Variants in STX8 observed in about 807,000 individuals in gnomAD.
STX8 encodes syntaxin 8, also known as syntaxin-8.
Under a neutral mutation model 37.5 loss-of-function variants are expected in STX8, and 23 were observed. The observed-to-expected ratio is 0.61, with a 90% CI of 0.44 to 0.87. STX8 has a LOEUF of 0.87. STX8 is among the 40% of genes least tolerant of loss of function. The probability of loss-of-function intolerance (pLI) is 0.00; values close to 1 mark genes in which losing one functional copy is unlikely to be tolerated. For missense variants in STX8, 313 were observed against 284.7 expected, an observed-to-expected ratio of 1.10 and a Z score of -0.71; for synonymous variants, 115 against 99.1, an observed-to-expected ratio of 1.16 and a Z score of -0.95.
intron 6 of STX8, among the ~76,000 whole-genome samples, chr17:9,460,673 C>CA (rs751553222): frequency 0.033 from 3,175 of 96,408 alleles, 128 homozygotes; most frequent in African/African-American, 0.057. Flanking sequence ...GACTCTGTCT[C>CA]AAAAAAAAAA....
chr17:9,369,284 C>T (rs147357466), intron 7 of STX8, among the ~76,000 whole-genome samples: 1 of 152,128 alleles, frequency 6.6e-6, no homozygotes, highest in Non-Finnish European at 1.5e-5. Context: ...ACAGCGGGTA[C>T]AGAGACAGAC....
At position 9,299,615 on chromosome 17, in the gene STX8, T is replaced by C. The variant is rs188903603; in HGVS notation, c.644-48970A>G. Among the ~76,000 whole-genome samples, 638 of 152,156 alleles carry C rather than the reference T, an allele frequency of 4.2e-3. 5 individuals carry two copies. Among genetic ancestry groups the C allele is most frequent in the African/African-American group, 0.014 (600 of 41,498 alleles). ...CCCGCCACCACACCCGGCTAATTTTTTGTATTTTTAGTAGAGACAGGGTTT... is the reference window on the plus strand; with the variant it reads ...CCCGCCACCACACCCGGCTAATTTTCTGTATTTTTAGTAGAGACAGGGTTT... On this transcript the variant is annotated intron_variant, in intron 7 of 7. Coordinates refer to ENST00000306357, the MANE Select transcript of STX8 (RefSeq NM_004853.3).
chr17:9,483,029 T>G (rs1028858970), intron 6 of STX8, among the ~76,000 whole-genome samples: 7 of 152,070 alleles, frequency 4.6e-5, no homozygotes, highest in African/African-American at 1.7e-4. Flanking sequence ...TCAATGACAA[T>G]TCACAAAAAG....
intron 7 of STX8, among the ~76,000 whole-genome samples, chr17:9,339,979 T>C (rs1910286552): frequency 6.6e-6 from 1 of 152,266 alleles, no homozygotes; most frequent in African/African-American, 2.4e-5. Flanking sequence ...TCTCTCCTGC[T>C]GGACTTTAAG....
At chr17:9,407,055 C>A (rs948862428) in intron 6 of STX8, among the ~76,000 whole-genome samples, 1 of 151,934 alleles carries the variant, frequency 6.6e-6, no homozygotes, top group Non-Finnish European at 1.5e-5. Flanking sequence ...AAATTAAGTC[C>A]AAAGAAGAAT....
At chr17:9,316,603 C>T (rs532538974) in intron 7 of STX8, among the ~76,000 whole-genome samples, 122 of 152,292 alleles carry the variant, frequency 8.0e-4, no homozygotes, top group Non-Finnish European at 1.6e-3. Flanking sequence ...TGTGCCCCTA[C>T]CCATACCTTA....
chr17:9,546,590 G>GTTTTTTTTTTTTTTTTTTTTTTTTTT lies in STX8; in HGVS notation c.213-1309_213-1308insAAAAAAAAAAAAAAAAAAAAAAAAAA, dbSNP rs745424722. ...CTTTCTTGATGCAAACTACAAAAGT[G>GTTTTTTTTTTTTTTTTTTTTTTTTTT]GTTTTTTTTTTTTTTTTTTTTTTTT... On this transcript the variant is annotated intron_variant, in intron 3 of 7. Coordinates refer to ENST00000306357, the MANE Select transcript of STX8 (RefSeq NM_004853.3). Among the ~76,000 whole-genome samples, 58 of 62,232 alleles carry GTTTTTTTTTTTTTTTTTTTTTTTTTT rather than the reference G, an allele frequency of 9.3e-4. 8 individuals carry two copies. The highest frequency in any genetic ancestry group is 1.0e-3 in the Non-Finnish European group (34 of 33,688). The allele number at this position is 62,232 out of a possible 152,430, so 40.8% of individuals were successfully genotyped here. A position where few individuals can be genotyped will look rare whatever the true frequency, so the allele number is the denominator to read the frequency against.
Position 9,333,133 on chromosome 17 carries a change from A to G in STX8, c.643+45419T>C, listed in dbSNP as rs149347606. Among the ~76,000 whole-genome samples the G allele has an allele frequency of 4.7e-3, 713 of 152,270 alleles. 3 individuals are homozygous for G. Among genetic ancestry groups the G allele is most frequent in the Non-Finnish European group, 6.0e-3 (408 of 68,024 alleles). On this transcript the variant is annotated intron_variant, in intron 7 of 7. Transcript: ENST00000306357. ...CAATTTTTAGATTCAGGAGGTACAT[A>G]TACAGATTTGTCACATGGGTATATT...
At chr17:9,432,916 G>A (rs1914029008) in intron 6 of STX8, among the ~76,000 whole-genome samples, 1 of 152,276 alleles carries the variant, frequency 6.6e-6, no homozygotes, top group South Asian at 2.1e-4. Context: ...TTATAGCTCA[G>A]GTGCAGTTTA....
At chr17:9,439,670 C>T (rs778463626) in intron 6 of STX8, among the ~76,000 whole-genome samples, 4 of 151,512 alleles carry the variant, frequency 2.6e-5, no homozygotes, top group Non-Finnish European at 4.4e-5. Context: ...TAATTTTTGT[C>T]TTTTTAGTAG....
chr17:9,368,744 C>G (rs944300065), intron 7 of STX8, among the ~76,000 whole-genome samples: 6 of 152,162 alleles, frequency 3.9e-5, no homozygotes, highest in African/African-American at 1.4e-4. Context: ...TTTCACTTAC[C>G]AAACTCAGAA....
intron 7 of STX8, among the ~76,000 whole-genome samples, chr17:9,376,560 C>A (rs532322137): frequency 6.6e-6 from 1 of 152,216 alleles, no homozygotes; most frequent in East Asian, 1.9e-4. Flanking sequence ...AACCCTGACC[C>A]GCTCGGGTCC....
chr17:9,362,764 G>A (rs1282150021), intron 7 of STX8, among the ~76,000 whole-genome samples: 1 of 150,922 alleles, frequency 6.6e-6, no homozygotes, highest in African/African-American at 2.4e-5. Flanking sequence ...GGAGCTTGCA[G>A]TGAGCTGAGA....
At chr17:9,308,051 C>T (rs578199075) in intron 7 of STX8, among the ~76,000 whole-genome samples, 127 of 152,234 alleles carry the variant, frequency 8.3e-4, no homozygotes, top group Middle Eastern at 3.4e-3. Flanking sequence ...TTGTATATGA[C>T]GTGGGGGCCT....
chr17:9,290,376 C>T (rs1490533200), intron 7 of STX8, among the ~76,000 whole-genome samples: 8 of 152,138 alleles, frequency 5.3e-5, no homozygotes, highest in Non-Finnish European at 1.0e-4. Context: ...TGCATCTGAA[C>T]GCCATGGAAC....
At chr17:9,418,502 T>C (rs1597658897) in intron 6 of STX8, among the ~76,000 whole-genome samples, 1 of 145,962 alleles carries the variant, frequency 6.9e-6, no homozygotes, top group East Asian at 2.1e-4. Context: ...TTTACCATGT[T>C]CTTTCCGTTT....
At chr17:9,312,941 AGCACT>A (rs1909243721) in intron 7 of STX8, among the ~76,000 whole-genome samples, 1 of 152,128 alleles carries the variant, frequency 6.6e-6, no homozygotes, top group African/African-American at 2.4e-5. Flanking sequence ...CTGTAATCCC[AGCACT>A]TTGGGAGGCT....
At chr17:9,443,794 T>C (rs1904745597) in intron 6 of STX8, among the ~76,000 whole-genome samples, 1 of 152,228 alleles carries the variant, frequency 6.6e-6, no homozygotes, top group Non-Finnish European at 1.5e-5. Flanking sequence ...AATGTTCCTT[T>C]GTATTTCTCT....
At chr17:9,366,833 C>G (rs1911244919) in intron 7 of STX8, among the ~76,000 whole-genome samples, 1 of 151,916 alleles carries the variant, frequency 6.6e-6, no homozygotes, top group South Asian at 2.1e-4. Context: ...TAAATGATAA[C>G]AGAAAAAAGG....
Sources: gnomAD v4.1 joint callset for allele counts (sites outside exome capture counted in the v4.1 genomes callset) on GRCh38, gnomAD v4.1.1 for gene constraint, MANE v1.5 for transcripts, NCBI Gene and HGNC (gene_info 2026-07-23, HGNC 2026-07-21) for gene names.